The following PSMA1 variants were observed in gnomAD, a reference collection of about 807,000 sequenced individuals.
PSMA1 encodes proteasome subunit alpha type-1.
In PSMA1, 3 loss-of-function variants were observed where a neutral mutation model predicts 38.4. That is an observed-to-expected ratio of 0.08 (90% CI 0.04 to 0.20). The LOEUF is 0.20. Among genes scored for constraint, PSMA1 ranks in the 10% least tolerant of loss-of-function variants. The probability of loss-of-function intolerance (pLI) is 1.00; values close to 1 mark genes in which losing one functional copy is unlikely to be tolerated. For synonymous variants in PSMA1, 101 were observed against 107.1 expected, an observed-to-expected ratio of 0.94 and a Z score of 0.35; for missense variants, 227 against 325.3, an observed-to-expected ratio of 0.70 and a Z score of 2.32.
chr11:14,596,237 G>C (rs1173566393), intron 2 of PSMA1, among the ~76,000 whole-genome samples: 1 of 152,020 alleles, frequency 6.6e-6, no homozygotes, highest in Non-Finnish European at 1.5e-5. Context: ...GCTCTTTTTT[G>C]GTTCCATATG....
intron 2 of PSMA1, among the ~76,000 whole-genome samples, chr11:14,546,149 TC>T (rs1315541462): frequency 6.9e-6 from 1 of 145,978 alleles, no homozygotes; most frequent in Non-Finnish European, 1.5e-5. Flanking sequence ...TCTCTCTCTC[TC>T]TTTTTTTTTT....
rs2134139102 is a variant in PSMA1 at position 14,505,254 on chromosome 11, C to A, written c.736-6G>T. The A allele has an allele frequency of 6.2e-7, 1 of 1,612,804 alleles. No individual in the cohort carries two copies. Among genetic ancestry groups the A allele is most frequent in the Non-Finnish European group, 8.5e-7 (1 of 1,179,104 alleles). The stretch of plus-strand genomic sequence containing the variant: ...TCATCAGCAGGTTGAGCAGGCTTAA[C>A]AGGGAAAGAAAAAAAGAAAATATGT... On this transcript the variant is annotated splice_polypyrimidine_tract_variant and splice_region_variant and intron_variant, in intron 9 of 9. Transcript: ENST00000396394.
chr11:14,585,613 C>G (rs973087747), intron 2 of PSMA1, among the ~76,000 whole-genome samples: 4 of 152,178 alleles, frequency 2.6e-5, no homozygotes, highest in African/African-American at 7.2e-5. Flanking sequence ...CCACCCATTC[C>G]GACACAGAAA....
At chr11:14,571,533 C>A (rs574850332) in intron 2 of PSMA1, among the ~76,000 whole-genome samples, 22 of 152,296 alleles carry the variant, frequency 1.4e-4, no homozygotes, top group African/African-American at 4.8e-4. Context: ...TGGAAAGGAA[C>A]AATCAGTACC....
intron 5 of PSMA1, 105 bp from the exon 6 acceptor site, chr11:14,513,992 C>A: frequency 7.3e-7 from 1 of 1,374,876 alleles, no homozygotes; most frequent in South Asian, 1.9e-5. Context: ...TTAATTGTTG[C>A]ATAATCCACC....
chr11:14,505,474 A>G (rs762551678), intron 9 of PSMA1, among the ~76,000 whole-genome samples: 11 of 152,308 alleles, frequency 7.2e-5, no homozygotes, highest in Admixed American at 3.3e-4. Context: ...AAAAAAATAC[A>G]GTTGGCTCGA....
At chr11:14,620,892 A>T (rs1852835793) in intron 1 of PSMA1, among the ~76,000 whole-genome samples, 1 of 152,224 alleles carries the variant, frequency 6.6e-6, no homozygotes, top group Non-Finnish European at 1.5e-5. Context: ...CCTGAGAGTT[A>T]TCAAGATCAT....
At chr11:14,576,421 T>G (rs1030369567) in intron 2 of PSMA1, among the ~76,000 whole-genome samples, 4 of 152,238 alleles carry the variant, frequency 2.6e-5, no homozygotes, top group Non-Finnish European at 5.9e-5. Context: ...AGGTCTAACA[T>G]TTAAGTCTTT....
intron 2 of PSMA1, among the ~76,000 whole-genome samples, chr11:14,577,827 C>T (rs556337742): frequency 5.0e-4 from 76 of 152,204 alleles, no homozygotes; most frequent in African/African-American, 1.8e-3. Flanking sequence ...GATGATAAGC[C>T]TGGAGTTGAG....
chr11:14,599,384 A>G (rs563122296), intron 2 of PSMA1, among the ~76,000 whole-genome samples: 5 of 152,274 alleles, frequency 3.3e-5, no homozygotes, highest in African/African-American at 1.2e-4. Context: ...CCAATCAGAC[A>G]TAGATGTGGT....
At chr11:14,621,414 C>T (rs778844450) in intron 1 of PSMA1, among the ~76,000 whole-genome samples, 6 of 151,950 alleles carry the variant, frequency 3.9e-5, no homozygotes, top group East Asian at 1.9e-4. Context: ...TGCGCCACCA[C>T]CCCCAGCTAA....
chr11:14,586,653 C>T (rs1852349542), intron 2 of PSMA1, among the ~76,000 whole-genome samples: 1 of 152,322 alleles, frequency 6.6e-6, no homozygotes, highest in South Asian at 2.1e-4. Context: ...TACCTACCCT[C>T]TTCTTTTCAC....
intron 8 of PSMA1, among the ~76,000 whole-genome samples, chr11:14,508,467 ACT>A (rs887873494): frequency 2.0e-5 from 3 of 149,626 alleles, no homozygotes; most frequent in Non-Finnish European, 4.4e-5. Flanking sequence ...TACTTGGATT[ACT>A]CTCACAATCA....
intron 2 of PSMA1, among the ~76,000 whole-genome samples, chr11:14,541,163 C>G (rs1851770077): frequency 6.6e-6 from 1 of 152,154 alleles, no homozygotes; most frequent in Admixed American, 6.5e-5. Flanking sequence ...TTGTATTTTT[C>G]TACTTTTCCA....
chr11:14,508,316 C>A (rs1332105273), intron 8 of PSMA1, among the ~76,000 whole-genome samples: 12 of 152,082 alleles, frequency 7.9e-5, no homozygotes, highest in Admixed American at 7.2e-4. Context: ...ACTGTATCCA[C>A]TCTTTCCTGT....
At chr11:14,591,797 A>C (rs569183863) in intron 2 of PSMA1, among the ~76,000 whole-genome samples, 1 of 152,282 alleles carries the variant, frequency 6.6e-6, no homozygotes, top group South Asian at 2.1e-4. Flanking sequence ...ACCAATCAGC[A>C]GGATGTGGGT....
intron 2 of PSMA1, among the ~76,000 whole-genome samples, chr11:14,585,324 A>G (rs1446907102): frequency 6.6e-6 from 1 of 152,178 alleles, no homozygotes; most frequent in East Asian, 1.9e-4. Context: ...AAAATAAAAC[A>G]TAGAAATGCA....
chr11:14,533,201 A>G (rs1479617353), intron 2 of PSMA1, among the ~76,000 whole-genome samples: 1 of 152,194 alleles, frequency 6.6e-6, no homozygotes. Context: ...TACCTTAGTT[A>G]TCATTGAGCA....
intron 1 of PSMA1, among the ~76,000 whole-genome samples, chr11:14,614,439 G>A (rs2134200169): frequency 6.6e-6 from 1 of 151,742 alleles, no homozygotes; most frequent in East Asian, 1.9e-4. Flanking sequence ...TCTTCAGACT[G>A]TATATCTGGC....
Sources: gnomAD v4.1 joint callset for allele counts (sites outside exome capture counted in the v4.1 genomes callset) on GRCh38, gnomAD v4.1.1 for gene constraint, MANE v1.5 for transcripts, NCBI Gene and HGNC (gene_info 2026-07-23, HGNC 2026-07-21) for gene names.